CACNA2D3: variants seen among roughly 807,000 people sequenced by gnomAD.
CACNA2D3 encodes calcium voltage-gated channel auxiliary subunit alpha2delta 3, also known as voltage-dependent calcium channel subunit alpha-2/delta-3.
In CACNA2D3, 60 loss-of-function variants were observed where a neutral mutation model predicts 160.6. The ratio of observed to expected loss-of-function variants is 0.37; its 90% confidence interval spans 0.30 to 0.46. The LOEUF is 0.46. Among genes scored for constraint, CACNA2D3 ranks in the 20% least tolerant of loss-of-function variants. The pLI, the probability that CACNA2D3 is intolerant of heterozygous loss-of-function variation, is 1.00. For synonymous variants in CACNA2D3, 558 were observed against 492.9 expected, an observed-to-expected ratio of 1.13 and a Z score of -1.75; for missense variants, 1,205 against 1,365.0, an observed-to-expected ratio of 0.88 and a Z score of 1.85.
intron 14 of CACNA2D3, among the ~76,000 whole-genome samples, chr3:54,822,786 C>G: frequency 1.4e-5 from 1 of 71,758 alleles, no homozygotes; most frequent in Non-Finnish European, 2.7e-5. Context: ...TTCTTTCTTT[C>G]TTTCCTTTCT....
intron 2 of CACNA2D3, among the ~76,000 whole-genome samples, chr3:54,211,205 AC>A: frequency 6.6e-6 from 1 of 152,254 alleles, no homozygotes; most frequent in South Asian, 2.1e-4. Context: ...AGCACACTAT[AC>A]ATGTTGCTAC....
At chr3:54,746,478 C>T (rs1553822558) in intron 11 of CACNA2D3, among the ~76,000 whole-genome samples, 2 of 152,060 alleles carry the variant, frequency 1.3e-5, no homozygotes, top group Non-Finnish European at 2.9e-5. Context: ...GGCAGTGAGT[C>T]CAAAAGGACA....
intron 9 of CACNA2D3, among the ~76,000 whole-genome samples, chr3:54,621,533 C>G (rs1413160782): frequency 6.6e-6 from 1 of 152,240 alleles, no homozygotes; most frequent in East Asian, 1.9e-4. Flanking sequence ...CCACCCTCCT[C>G]CTTTATTGAG....
chr3:54,722,979 T>C (rs1701198729), intron 11 of CACNA2D3, among the ~76,000 whole-genome samples: 1 of 152,218 alleles, frequency 6.6e-6, no homozygotes, highest in Non-Finnish European at 1.5e-5. Flanking sequence ...TAAAGTCTGC[T>C]GAAGCTGCAC....
At chr3:54,130,636 A>C (rs912974433) in intron 2 of CACNA2D3, among the ~76,000 whole-genome samples, 1 of 152,222 alleles carries the variant, frequency 6.6e-6, no homozygotes, top group Non-Finnish European at 1.5e-5. Flanking sequence ...AGGCTGGCAG[A>C]ACTGAAGCAG....
chr3:54,823,975 A>G (rs1703695364), intron 14 of CACNA2D3, among the ~76,000 whole-genome samples: 1 of 152,252 alleles, frequency 6.6e-6, no homozygotes, highest in South Asian at 2.1e-4. Context: ...TAAATGAAAT[A>G]GACTACCAAG....
intron 5 of CACNA2D3, among the ~76,000 whole-genome samples, chr3:54,515,880 C>G (rs1701542116): frequency 6.6e-6 from 1 of 152,124 alleles, no homozygotes; most frequent in African/African-American, 2.4e-5. Flanking sequence ...CTGTGCAGTC[C>G]CATTTGTTCT....
chr3:54,225,500 T>C (rs1275161084), intron 2 of CACNA2D3, among the ~76,000 whole-genome samples: 3 of 152,246 alleles, frequency 2.0e-5, no homozygotes, highest in Non-Finnish European at 4.4e-5. Flanking sequence ...CCATATGTTA[T>C]TTTTATTGTG....
At chr3:55,023,793 A>G (rs997932923) in intron 35 of CACNA2D3, among the ~76,000 whole-genome samples, 2 of 151,910 alleles carry the variant, frequency 1.3e-5, no homozygotes, top group African/African-American at 4.8e-5. Flanking sequence ...ATTAGAATAC[A>G]TATTTTTCCT....
intron 11 of CACNA2D3, among the ~76,000 whole-genome samples, chr3:54,709,761 C>T (rs1700921499): frequency 6.6e-6 from 1 of 152,054 alleles, no homozygotes; most frequent in African/African-American, 2.4e-5. Context: ...CCTATCCATA[C>T]AAAAAAATTT....
chr3:54,331,128 C>G (rs2107517567), intron 3 of CACNA2D3, among the ~76,000 whole-genome samples: 1 of 152,112 alleles, frequency 6.6e-6, no homozygotes, highest in East Asian at 1.9e-4. Context: ...GTCCCCCAGG[C>G]CAATCCTGGT....
intron 2 of CACNA2D3, among the ~76,000 whole-genome samples, chr3:54,193,781 G>C (rs757775786): frequency 4.6e-5 from 7 of 152,192 alleles, no homozygotes; most frequent in African/African-American, 7.2e-5. Flanking sequence ...GAGAGTGTCA[G>C]CTCCATGGCC....
chr3:54,537,093 CAGAGAGAGAG>C (rs35469509), intron 5 of CACNA2D3, among the ~76,000 whole-genome samples: 3 of 148,440 alleles, frequency 2.0e-5, no homozygotes, highest in East Asian at 2.0e-4. Context: ...GAAACCAAGG[CAGAGAGAGAG>C]AGAGAGAGAG....
chr3:54,641,066 G>A (rs1012679148), intron 10 of CACNA2D3, among the ~76,000 whole-genome samples: 2 of 151,286 alleles, frequency 1.3e-5, no homozygotes, highest in African/African-American at 2.4e-5. Context: ...AGCCAAGCTC[G>A]ATGAAGTATT....
At chr3:54,933,094 TTCCTTCCTTCC>T (rs1701241833) in intron 27 of CACNA2D3, among the ~76,000 whole-genome samples, 1 of 145,776 alleles carries the variant, frequency 6.9e-6, no homozygotes, top group Non-Finnish European at 1.5e-5. Context: ...CCTTCCTTCC[TTCCTTCCTTCC>T]TTCCTTCCTT....
At chr3:55,049,410 GT>G (rs1313414846) in intron 35 of CACNA2D3, among the ~76,000 whole-genome samples, 4 of 135,336 alleles carry the variant, frequency 3.0e-5, no homozygotes, top group Non-Finnish European at 6.1e-5. Context: ...TAGTTGAGCG[GT>G]TTTGAGTGAG....
Position 54,934,787 on chromosome 3 carries a change from A to G in CACNA2D3, c.2450-33663A>G, listed in dbSNP as rs564550027. ...TCACCTGTTGCCCAGGCTGGAGTGC[A>G]GTGGCGCTATCGTAGCTCACTGCAA... On this transcript the variant is annotated intron_variant, in intron 27 of 37. Transcript: ENST00000474759. Among the ~76,000 whole-genome samples, 8 of 152,260 alleles carry G rather than the reference A, an allele frequency of 5.3e-5. No homozygotes were observed. In the East Asian group the frequency reaches 1.5e-3, roughly 29 times the overall value.
chr3:54,944,459 C>T (rs1005581036), intron 27 of CACNA2D3, among the ~76,000 whole-genome samples: 1 of 151,840 alleles, frequency 6.6e-6, no homozygotes, highest in Non-Finnish European at 1.5e-5. Flanking sequence ...CTCGCTCTGT[C>T]GCCCAGGCTG....
intron 12 of CACNA2D3, among the ~76,000 whole-genome samples, chr3:54,753,257 A>C (rs1328430561): frequency 6.6e-6 from 1 of 152,186 alleles, no homozygotes; most frequent in African/African-American, 2.4e-5. Context: ...TGGCAGAGAC[A>C]TTTACTGTGC....
Sources: allele counts gnomAD v4.1 joint callset (sites outside exome capture counted in the v4.1 genomes callset), GRCh38; gene constraint gnomAD v4.1.1; transcripts MANE v1.5; gene names NCBI Gene and HGNC (gene_info 2026-07-23, HGNC 2026-07-21).